The following GRIK4 variants were observed in gnomAD, a reference collection of about 807,000 sequenced individuals.
GRIK4 encodes glutamate ionotropic receptor kainate type subunit 4.
GRIK4 carries 40 observed loss-of-function variants against 104.9 expected under a neutral mutation model. That is an observed-to-expected ratio of 0.38 (90% confidence interval 0.30 to 0.50). GRIK4 has a LOEUF of 0.50. GRIK4 is among the 20% of genes least tolerant of loss of function. The pLI is 0.93. For synonymous variants in GRIK4, 485 were observed against 524.9 expected (o/e 0.92, Z 1.04); for missense variants, 1,047 against 1,308.1 (o/e 0.80, Z 3.08).
intron 1 of GRIK4, among the ~76,000 whole-genome samples, chr11:120,534,851 A>G (rs559458844): frequency 2.0e-5 from 3 of 152,272 alleles, no homozygotes; most frequent in Non-Finnish European, 4.4e-5. Context: ...AGCACTTCCC[A>G]ATGGGGGACA....
At chr11:120,650,117 A>C (rs1949598609) in intron 1 of GRIK4, among the ~76,000 whole-genome samples, 1 of 152,158 alleles carries the variant, frequency 6.6e-6, no homozygotes. Context: ...CGTGGCTGGC[A>C]ATGAGCTCTT....
chr11:120,884,186 A>T (rs963899694), intron 11 of GRIK4, among the ~76,000 whole-genome samples: 1 of 152,218 alleles, frequency 6.6e-6, no homozygotes, highest in Non-Finnish European at 1.5e-5. Context: ...TCAAGCAGGG[A>T]TGGTGATCAT....
intron 1 of GRIK4, among the ~76,000 whole-genome samples, chr11:120,542,938 C>T (rs923691016): frequency 6.6e-6 from 1 of 152,222 alleles, no homozygotes; most frequent in Non-Finnish European, 1.5e-5. Flanking sequence ...CCAGCATATG[C>T]TTTTTATGGT....
intron 9 of GRIK4, among the ~76,000 whole-genome samples, chr11:120,863,834 G>C (rs746287197): frequency 1.3e-5 from 2 of 152,204 alleles, no homozygotes; most frequent in Non-Finnish European, 2.9e-5. Context: ...GTGCTTTTAT[G>C]ATCATGCAGC....
intron 1 of GRIK4, among the ~76,000 whole-genome samples, chr11:120,556,693 GA>G (rs531969825): frequency 5.3e-5 from 8 of 151,624 alleles, no homozygotes; most frequent in African/African-American, 1.9e-4. Flanking sequence ...GCTTTAGGAG[GA>G]AAAAAAAGCA....
intron 13 of GRIK4, among the ~76,000 whole-genome samples, chr11:120,917,247 C>CAAAAAAAAAAAAAAAA (rs199620498): frequency 2.0e-4 from 7 of 34,768 alleles, no homozygotes; most frequent in East Asian, 2.2e-3. Context: ...AACTCCGTCT[C>CAAAAAAAAAAAAAAAA]AAAAAAAAAA....
chr11:120,985,982 C>T lies in GRIK4; in HGVS notation c.2593C>T (p.Arg865Cys), dbSNP rs1399429590. The stretch of plus-strand genomic sequence containing the variant: ...GGACAGTATCCACCCCCGCCGGCGG[C>T]GCGCCGCAGTCCCGCCGCCCCGGCC... ...CQDSIHPRRR[R>C]AAVPPPRPPI... The change falls in exon 21 of 21, where the codon CGC (arginine) becomes TGC (cysteine). Residue 865 changes from arginine (R) to cysteine (C), a missense_variant. Physicochemically the swap from Arg to Cys is radical, Grantham distance 180. Transcript: ENST00000527524. 10 of 1,534,220 alleles carry T rather than the reference C, an allele frequency of 6.5e-6. No homozygotes were observed. Among genetic ancestry groups the T allele is most frequent in the Admixed American group, 2.0e-5 (1 of 48,838 alleles).
At position 120,889,588 on chromosome 11, in the gene GRIK4, CATT is replaced by C. The variant is rs1185460563; in HGVS notation, c.1165-8943_1165-8941del. 3.4e-4 allele frequency among the ~76,000 whole-genome samples: 23 copies of C among 67,146 alleles called. 2 individuals carry two copies. Among genetic ancestry groups the C allele is most frequent in the African/African-American group, 1.2e-3 (22 of 18,862 alleles). The allele number at this position is 67,146 out of a possible 152,430, so 44.1% of individuals were successfully genotyped here. ...AATAGAATAAAATAGAAAGAGCTTA[CATT>C]TTTTTTTTTTTTTTTTTTTTTTTTT... On this transcript the variant is annotated intron_variant, in intron 11 of 20. Coordinates refer to ENST00000527524, the MANE Select transcript of GRIK4 (RefSeq NM_014619.5).
intron 3 of GRIK4, among the ~76,000 whole-genome samples, chr11:120,751,481 C>T (rs1951550946): frequency 6.6e-6 from 1 of 152,132 alleles, no homozygotes; most frequent in Non-Finnish European, 1.5e-5. Flanking sequence ...CAAGCAGACT[C>T]CCATAAGCCT....
chr11:120,654,900 C>T (rs760194499), intron 2 of GRIK4, among the ~76,000 whole-genome samples: 16 of 152,218 alleles, frequency 1.1e-4, no homozygotes, highest in Admixed American at 3.3e-4. Flanking sequence ...AATCAGAGGG[C>T]GGCACACATT....
At chr11:120,955,357 G>A (rs906650564) in intron 15 of GRIK4, among the ~76,000 whole-genome samples, 3 of 152,242 alleles carry the variant, frequency 2.0e-5, no homozygotes, top group Non-Finnish European at 4.4e-5. Flanking sequence ...GGAAGGAGAG[G>A]CGCGGATGGA....
chr11:120,854,027 G>T (rs1387204920), intron 8 of GRIK4, among the ~76,000 whole-genome samples: 4 of 152,230 alleles, frequency 2.6e-5, no homozygotes, highest in African/African-American at 9.6e-5. Context: ...ATGTGAAAAT[G>T]AATAAAACCT....
chr11:120,717,417 A>T (rs1950854140), intron 3 of GRIK4, among the ~76,000 whole-genome samples: 1 of 152,100 alleles, frequency 6.6e-6, no homozygotes, highest in South Asian at 2.1e-4. Flanking sequence ...TCACAGGCGG[A>T]TGAGCATGCC....
chr11:120,785,844 C>T (rs1383488208), intron 3 of GRIK4, among the ~76,000 whole-genome samples: 1 of 152,186 alleles, frequency 6.6e-6, no homozygotes, highest in African/African-American at 2.4e-5. Flanking sequence ...TGTGCTCATC[C>T]CCAGCTAACC....
intron 1 of GRIK4, among the ~76,000 whole-genome samples, chr11:120,640,992 G>A (rs976406993): frequency 2.0e-5 from 3 of 152,212 alleles, no homozygotes; most frequent in South Asian, 2.1e-4. Flanking sequence ...GATTACAGGC[G>A]TGAGCCACCG....
At chr11:120,611,022 A>T (rs1459313616) in intron 1 of GRIK4, among the ~76,000 whole-genome samples, 4 of 152,220 alleles carry the variant, frequency 2.6e-5, no homozygotes, top group African/African-American at 9.6e-5. Flanking sequence ...CAGGAAACCA[A>T]GGCCCAGTGA....
chr11:120,640,088 T>G (rs1949451510), intron 1 of GRIK4, among the ~76,000 whole-genome samples: 1 of 152,202 alleles, frequency 6.6e-6, no homozygotes, highest in Non-Finnish European at 1.5e-5. Flanking sequence ...AGAGGGTTCT[T>G]GGACCTCATG....
intron 13 of GRIK4, among the ~76,000 whole-genome samples, chr11:120,923,570 C>G (rs1288741677): frequency 1.3e-5 from 2 of 151,784 alleles, no homozygotes; most frequent in Non-Finnish European, 2.9e-5. Context: ...CCACCACCAC[C>G]CCTGGCTAAT....
At chr11:120,731,713 C>T (rs1485424370) in intron 3 of GRIK4, among the ~76,000 whole-genome samples, 1 of 151,772 alleles carries the variant, frequency 6.6e-6, no homozygotes, top group Admixed American at 6.6e-5. Context: ...TACTGGGAGA[C>T]TTGATTATGG....
Sources: gnomAD v4.1 joint callset for allele counts (sites outside exome capture counted in the v4.1 genomes callset) on GRCh38, gnomAD v4.1.1 for gene constraint, MANE v1.5 for transcripts, NCBI Gene and HGNC (gene_info 2026-07-23, HGNC 2026-07-21) for gene names.